Variants in ARHGAP6 observed in about 807,000 individuals in gnomAD.
ARHGAP6 encodes Rho GTPase activating protein 6, also known as rho GTPase-activating protein 6.
In ARHGAP6, 16 loss-of-function variants were observed where a neutral mutation model predicts 55.7. The ratio of observed to expected loss-of-function variants is 0.29; its 90% CI spans 0.19 to 0.44. The LOEUF is 0.44. ARHGAP6 is among the 20% of genes least tolerant of loss of function. The pLI is 1.00. For synonymous variants in ARHGAP6, 382 were observed against 360.9 expected (o/e 1.06, Z -0.66); for missense variants, 698 against 808.9 (o/e 0.86, Z 1.66).
intron 1 of ARHGAP6, among the ~76,000 whole-genome samples, chrX:11,259,119 C>T (rs936443834): frequency 5.4e-5 from 6 of 110,990 alleles, no homozygotes; most frequent in Non-Finnish European, 9.4e-5. Flanking sequence ...ATTAACTATC[C>T]CCACCTCCCC....
intron 5 of ARHGAP6, among the ~76,000 whole-genome samples, chrX:11,184,718 A>G (rs2046364817): frequency 8.9e-6 from 1 of 112,543 alleles, no homozygotes; most frequent in Non-Finnish European, 1.9e-5. Flanking sequence ...TATGCACATT[A>G]ATTAATTGAA....
chrX:11,528,751 G>T (rs184652819), intron 1 of ARHGAP6, among the ~76,000 whole-genome samples: 52 of 111,730 alleles, frequency 4.7e-4, no homozygotes, highest in African/African-American at 1.7e-3. Flanking sequence ...TTGCCCCTGG[G>T]TGAAGTAGGC....
intron 1 of ARHGAP6, among the ~76,000 whole-genome samples, chrX:11,534,339 G>T (rs1168812212): frequency 3.6e-5 from 4 of 111,464 alleles, no homozygotes; most frequent in Non-Finnish European, 7.5e-5. Context: ...TCACACTTAG[G>T]TTAATACTAT....
chrX:11,314,330 A>T (rs1341812034), intron 1 of ARHGAP6, among the ~76,000 whole-genome samples: 1 of 112,086 alleles, frequency 8.9e-6, no homozygotes, highest in East Asian at 2.8e-4. Context: ...GAAATGGACC[A>T]GCTGGAGTCC....
chrX:11,209,551 TCTA>T (rs756550986), intron 2 of ARHGAP6, among the ~76,000 whole-genome samples: 76 of 112,807 alleles, frequency 6.7e-4, no homozygotes, highest in Non-Finnish European at 1.2e-3. Flanking sequence ...AATAGAATGT[TCTA>T]CTTAGTCATT....
chrX:11,514,687 T>C (rs1164604922), intron 1 of ARHGAP6, among the ~76,000 whole-genome samples: 2 of 111,511 alleles, frequency 1.8e-5, no homozygotes, highest in Admixed American at 9.6e-5. Context: ...CAATTCTCTA[T>C]TTGAATAATT....
At chrX:11,330,267 C>T (rs2048546326) in intron 1 of ARHGAP6, among the ~76,000 whole-genome samples, 1 of 112,241 alleles carries the variant, frequency 8.9e-6, no homozygotes, top group Admixed American at 9.4e-5. Flanking sequence ...TAACTGAGTA[C>T]CATACATTTC....
intron 1 of ARHGAP6, among the ~76,000 whole-genome samples, chrX:11,642,295 T>C (rs2052483202): frequency 9.0e-6 from 1 of 111,450 alleles, no homozygotes; most frequent in Admixed American, 9.5e-5. Context: ...CCTAGAATGA[T>C]TACTCATAAC....
intron 1 of ARHGAP6, among the ~76,000 whole-genome samples, chrX:11,411,283 T>G (rs1474686781): frequency 2.1e-5 from 2 of 97,120 alleles, no homozygotes; most frequent in African/African-American, 7.4e-5. Context: ...GTTAGATTTA[T>G]ATATGCATAT....
At chrX:11,238,005 G>A (rs2047225995) in intron 2 of ARHGAP6, among the ~76,000 whole-genome samples, 1 of 111,500 alleles carries the variant, frequency 9.0e-6, no homozygotes, top group African/African-American at 3.3e-5. Flanking sequence ...GACCACACAC[G>A]ATGTCTCTGG....
intron 3 of ARHGAP6, among the ~76,000 whole-genome samples, chrX:11,192,672 G>C (rs1933730): frequency 0.23 from 25,592 of 111,162 alleles, 2,344 homozygotes; most frequent in African/African-American, 0.31. Flanking sequence ...GTGAGGAAAA[G>C]AAAACATGAT....
intron 9 of ARHGAP6, among the ~76,000 whole-genome samples, chrX:11,164,667 G>A (rs761340910): frequency 2.7e-5 from 3 of 112,037 alleles, no homozygotes; most frequent in Non-Finnish European, 3.8e-5. Flanking sequence ...TGACAACTCA[G>A]TGGGGTGGGA....
chrX:11,296,438 C>T (rs1322707509), intron 1 of ARHGAP6, among the ~76,000 whole-genome samples: 1 of 111,394 alleles, frequency 9.0e-6, no homozygotes, highest in East Asian at 2.8e-4. Flanking sequence ...ATTGAAAACA[C>T]TGGGCGTGGG....
At position 11,473,228 on chromosome X, in the gene ARHGAP6, A is replaced by G. The variant is rs112843868; in HGVS notation, c.588+191013T>C. Among the ~76,000 whole-genome samples the G allele has an allele frequency of 8.0e-3, 891 of 111,584 alleles. 12 individuals carry two copies. Among genetic ancestry groups the G allele is most frequent in the African/African-American group, 0.027 (835 of 30,718 alleles). On this transcript the variant is annotated intron_variant, in intron 1 of 12. Coordinates refer to ENST00000337414, the MANE Select transcript of ARHGAP6 (RefSeq NM_013427.3). ...ATCTTATGAACAAAAGACATGGTAC[A>G]TACAGGGGTCAAAAATGCAAGAAAG... is the stretch of plus-strand genomic sequence containing the variant.
intron 1 of ARHGAP6, among the ~76,000 whole-genome samples, chrX:11,325,770 A>G (rs1234639193): frequency 1.8e-5 from 2 of 112,556 alleles, no homozygotes; most frequent in African/African-American, 3.2e-5. Context: ...AATTTGCTAG[A>G]TTAGTAGCTC....
chrX:11,181,505 C>A (rs1344668217), intron 6 of ARHGAP6, among the ~76,000 whole-genome samples: 3 of 112,135 alleles, frequency 2.7e-5, no homozygotes, highest in African/African-American at 6.5e-5. Flanking sequence ...TCACAGGAAC[C>A]TATTGTTGAA....
chrX:11,269,285 C>T (rs1410701469), intron 1 of ARHGAP6, among the ~76,000 whole-genome samples: 1 of 111,526 alleles, frequency 9.0e-6, no homozygotes, highest in African/African-American at 3.3e-5. Flanking sequence ...TCATTTCGTC[C>T]CTTCCTACAT....
intron 1 of ARHGAP6, among the ~76,000 whole-genome samples, chrX:11,502,123 T>C (rs1475950517): frequency 8.9e-6 from 1 of 112,669 alleles, no homozygotes; most frequent in Non-Finnish European, 1.9e-5. Flanking sequence ...TGTTCATCAA[T>C]GGAATAAACT....
chrX:11,420,260 T>A (rs2049804184), intron 1 of ARHGAP6, among the ~76,000 whole-genome samples: 1 of 112,158 alleles, frequency 8.9e-6, no homozygotes, highest in Non-Finnish European at 1.9e-5. Context: ...TACCTTTACG[T>A]TTTTAAGTAT....
Sources: gnomAD v4.1 joint callset for allele counts (sites outside exome capture counted in the v4.1 genomes callset) on GRCh38, gnomAD v4.1.1 for gene constraint, MANE v1.5 for transcripts, NCBI Gene and HGNC (gene_info 2026-07-23, HGNC 2026-07-21) for gene names.